FMN1: variants seen among roughly 807,000 people sequenced by gnomAD.
FMN1 encodes formin 1, also known as formin-1.
Under a neutral mutation model 132.4 loss-of-function variants are expected in FMN1, and 110 were observed. The observed-to-expected ratio is 0.83, with a 90% confidence interval of 0.71 to 0.97. FMN1 has a LOEUF of 0.97. Among genes scored for constraint, FMN1 ranks in the 50% least tolerant of loss-of-function variants. The probability of loss-of-function intolerance (pLI) is 0.00; values close to 1 mark genes in which losing one functional copy is unlikely to be tolerated. For synonymous variants in FMN1, 722 were observed against 651.7 expected (o/e 1.11, Z -1.64); for missense variants, 1,792 against 1,705.3 (o/e 1.05, Z -0.90).
chr15:32,800,731 TC>T (rs1466055893), intron 18 of FMN1, among the ~76,000 whole-genome samples: 1 of 152,184 alleles, frequency 6.6e-6, no homozygotes, highest in Non-Finnish European at 1.5e-5. Flanking sequence ...GGAATTCAGG[TC>T]CCCTGATTTT....
chr15:32,980,778 G>A (rs981665379), intron 7 of FMN1, among the ~76,000 whole-genome samples: 2 of 151,936 alleles, frequency 1.3e-5, no homozygotes, highest in Non-Finnish European at 2.9e-5. Flanking sequence ...CACTTTGGGA[G>A]GCCAAGGAAG....
chr15:32,983,637 G>T (rs1202424640), intron 7 of FMN1, among the ~76,000 whole-genome samples: 6 of 151,994 alleles, frequency 3.9e-5, no homozygotes, highest in Admixed American at 2.6e-4. Flanking sequence ...GGCTTCCACA[G>T]CAAGATTCTG....
In FMN1 at chr15:33,088,924, T is replaced by TAG; in HGVS notation, c.1916_1917dup (p.Lys640LeufsTer48). 6.5e-7 allele frequency: 1 copy of TAG among 1,535,958 alleles called. No homozygotes were observed. The highest frequency in any genetic ancestry group is 8.7e-7 in the Non-Finnish European group (1 of 1,146,828). ...CCTCCATCTCTGTTGGGAAGGTCTT[T>TAG]AGGTGTCTGCTCATTGAAGCCGTCC... is the stretch of plus-strand genomic sequence containing the variant. On this transcript the variant is annotated frameshift_variant, in exon 5 of 21. Transcript: ENST00000616417. LOFTEE classifies it high-confidence loss of function.
At chr15:32,810,853 T>TC in intron 17 of FMN1, 1 of 411,734 alleles carries the variant, frequency 2.4e-6, no homozygotes, top group Non-Finnish European at 4.9e-6. Context: ...TACCATGGTT[T>TC]ATGGACCTGA....
At chr15:32,831,142 T>C (rs2058491230) in intron 17 of FMN1, among the ~76,000 whole-genome samples, 1 of 152,212 alleles carries the variant, frequency 6.6e-6, no homozygotes. Flanking sequence ...TCAAGGGTTT[T>C]TTTATTCAAT....
chr15:33,154,523 T>C lies in FMN1; in HGVS notation c.392A>G (p.Asp131Gly). Reference protein sequence around the residue: ...ELSVSLAPEDDCFQSAGDWQG... With the variant: ...ELSVSLAPEDGCFQSAGDWQG... The stretch of plus-strand genomic sequence containing the variant: ...CCAGTCACCAGCACTCTGGAAACAG[T>C]CATCCTCGGGGGCCAGGCTCACGGA... The change falls in exon 4 of 21, where the codon GAC becomes GGC. Residue 131 changes from aspartate to glycine, a missense_variant. Asp to Gly is a moderately conservative substitution (Grantham distance 94). Transcript: ENST00000616417. The C allele has an allele frequency of 1.3e-6, 2 of 1,536,018 alleles. No homozygotes were observed. Among genetic ancestry groups the C allele is most frequent in the Non-Finnish European group, 1.7e-6 (2 of 1,146,880 alleles).
intron 9 of FMN1, among the ~76,000 whole-genome samples, chr15:32,946,958 T>C (rs2061524111): frequency 6.6e-6 from 1 of 152,218 alleles, no homozygotes; most frequent in Non-Finnish European, 1.5e-5. Flanking sequence ...CAATTCTTAT[T>C]GAGCTATATG....
chr15:32,885,135 G>C (rs1015456554), intron 16 of FMN1, among the ~76,000 whole-genome samples: 16 of 152,168 alleles, frequency 1.1e-4, no homozygotes, highest in African/African-American at 3.4e-4. Flanking sequence ...CTCAAAGCCT[G>C]ATCTTAGTCC....
chr15:33,035,943 T>C (rs1341023497), intron 6 of FMN1, among the ~76,000 whole-genome samples: 1 of 152,116 alleles, frequency 6.6e-6, no homozygotes, highest in Non-Finnish European at 1.5e-5. Flanking sequence ...AGCTGGTGGC[T>C]TTATAAGAAG....
intron 4 of FMN1, among the ~76,000 whole-genome samples, chr15:33,101,488 T>A (rs1235253194): frequency 1.3e-5 from 2 of 152,154 alleles, no homozygotes; most frequent in Non-Finnish European, 1.5e-5. Context: ...AAAAAATGTT[T>A]TAAGCAAAGT....
intron 9 of FMN1, among the ~76,000 whole-genome samples, chr15:32,955,887 C>T (rs143186199): frequency 5.3e-5 from 8 of 152,224 alleles, no homozygotes; most frequent in Non-Finnish European, 7.4e-5. Context: ...GTCCCAAAGA[C>T]GCTAACTCTA....
intron 15 of FMN1, among the ~76,000 whole-genome samples, chr15:32,894,715 T>A (rs1314694854): frequency 2.0e-5 from 3 of 151,972 alleles, no homozygotes; most frequent in Non-Finnish European, 2.9e-5. Context: ...TTTCACTACA[T>A]CTTTTTTCCT....
At chr15:32,908,294 T>C (rs555295169) in intron 12 of FMN1, 196 bp downstream of exon 12, 2 of 538,132 alleles carry the variant, frequency 3.7e-6, no homozygotes, top group Admixed American at 6.2e-5. Flanking sequence ...AGACACACTG[T>C]ATCCAACAGC....
At chr15:32,861,469 G>C (rs2059266629) in intron 16 of FMN1, among the ~76,000 whole-genome samples, 1 of 152,208 alleles carries the variant, frequency 6.6e-6, no homozygotes, top group Non-Finnish European at 1.5e-5. Flanking sequence ...TAGGACTCAG[G>C]TGGGCTGTGG....
At chr15:32,865,608 G>A (rs1037881888) in intron 16 of FMN1, among the ~76,000 whole-genome samples, 2 of 152,230 alleles carry the variant, frequency 1.3e-5, no homozygotes, top group African/African-American at 2.4e-5. Flanking sequence ...AGGACAAGGC[G>A]GGCAGATCAC....
chr15:32,969,328 G>C lies in FMN1; in HGVS notation c.2373C>G (p.Thr791=). 3 of 1,613,898 alleles carry C rather than the reference G, an allele frequency of 1.9e-6. No homozygotes were observed. The highest frequency in any genetic ancestry group is 2.5e-6 in the Non-Finnish European group (3 of 1,179,874). The change falls in exon 8 of 21, where the codon ACC becomes ACG. Residue 791 remains threonine, a synonymous_variant. Transcript: ENST00000616417. ...CEERKDVCIS[T]DDDCPPKTFR... is the part of the protein sequence containing the mutation. ...AGGTCTTTGGAGGGCAGTCATCATC[G>C]GTGGAAATGCACACATCTTTCCTCT...
chr15:32,900,786 A>T (rs917723487), intron 13 of FMN1, among the ~76,000 whole-genome samples: 1 of 152,072 alleles, frequency 6.6e-6, no homozygotes, highest in Non-Finnish European at 1.5e-5. Context: ...TTTTTACTTC[A>T]AGTACAATTT....
At chr15:32,790,979 A>G (rs2057056066) in intron 19 of FMN1, among the ~76,000 whole-genome samples, 1 of 152,220 alleles carries the variant, frequency 6.6e-6, no homozygotes, top group African/African-American at 2.4e-5. Context: ...ATTTCAGAAC[A>G]TTTCTACAGA....
chr15:33,027,976 G>C (rs2035759483), intron 6 of FMN1, among the ~76,000 whole-genome samples: 1 of 152,158 alleles, frequency 6.6e-6, no homozygotes, highest in South Asian at 2.1e-4. Flanking sequence ...AATGAGAAAA[G>C]ATGAACTGGA....
Sources: allele counts gnomAD v4.1 joint callset (sites outside exome capture counted in the v4.1 genomes callset), GRCh38; gene constraint gnomAD v4.1.1; transcripts MANE v1.5; gene names NCBI Gene and HGNC (gene_info 2026-07-23, HGNC 2026-07-21).